RSBN1L: variants seen among roughly 807,000 people sequenced by gnomAD.
RSBN1L encodes round spermatid basic protein 1 like, also known as lysine-specific demethylase RSBN1L.
Under a neutral mutation model 67.7 loss-of-function variants are expected in RSBN1L, and 30 were observed. That is an observed-to-expected ratio of 0.44 (90% confidence interval 0.33 to 0.60). The LOEUF (loss-of-function observed/expected upper bound fraction) is 0.60. Ranked by LOEUF, RSBN1L falls within the 20% of genes least tolerant of loss-of-function variation. RSBN1L has a pLI of 0.02. For missense variants in RSBN1L, 992 were observed against 1,031.7 expected (o/e 0.96, Z 0.53); for synonymous variants, 433 against 387.0 (o/e 1.12, Z -1.39).
intron 1 of RSBN1L, among the ~76,000 whole-genome samples, chr7:77,713,380 A>G (rs1389590564): frequency 1.3e-5 from 2 of 150,352 alleles, no homozygotes; most frequent in Non-Finnish European, 3.0e-5. Flanking sequence ...CCTTTGAGAC[A>G]GAGTCTCACT....
rs972419837 is a variant in RSBN1L at position 77,750,061 on chromosome 7, T to G, written c.1341T>G (p.Ala447=). ...IETTTMSNFH[A]QVKRTYSHGT... The stretch of plus-strand genomic sequence containing the variant: ...CAACGACTATGTCCAATTTTCATGC[T>G]CAGGTAAGAGGTTTTTAGTTTTATA... The change falls in exon 3 of 8, where the codon GCT becomes GCG. Residue 447 remains alanine (A), a synonymous_variant. Transcript: ENST00000334955. The G allele has an allele frequency of 5.7e-6, 9 of 1,577,924 alleles. No homozygotes were observed. Among genetic ancestry groups the G allele is most frequent in the East Asian group, 4.5e-5 (2 of 44,556 alleles).
chr7:77,716,624 CTTTTTTTTTTTTTT>C (rs61611975), intron 1 of RSBN1L, among the ~76,000 whole-genome samples: 1 of 75,290 alleles, frequency 1.3e-5, no homozygotes, highest in African/African-American at 5.1e-5. Flanking sequence ...GTATCTTCAT[CTTTTTTTTTTTTTT>C]TTTTTTTTTT....
intron 1 of RSBN1L, among the ~76,000 whole-genome samples, chr7:77,715,986 G>A (rs1297144763): frequency 6.6e-6 from 1 of 152,004 alleles, no homozygotes; most frequent in African/African-American, 2.4e-5. Context: ...CATATTCTGG[G>A]TAGAACTCCT....
Position 77,709,184 on chromosome 7 carries a change from G to A in RSBN1L, c.586+12129G>A, listed in dbSNP as rs866510497. 9.7e-3 allele frequency among the ~76,000 whole-genome samples: 1,295 copies of A among 133,984 alleles called. 16 individuals carry two copies. The highest frequency in any genetic ancestry group is 0.029 in the African/African-American group (947 of 32,116). 87.9% of individuals were successfully genotyped at this position (133,984 alleles called of 152,430 possible). The stretch of plus-strand genomic sequence containing the variant: ...TGTGTGTGTGTGTGTGTGTGTGTGT[G>A]TGTGTGTGTGTGTATGTATGTGTAT... On this transcript the variant is annotated intron_variant, in intron 1 of 7. Coordinates refer to ENST00000334955, the MANE Select transcript of RSBN1L (RefSeq NM_198467.3).
chr7:77,752,902 A>G (rs1008847339), intron 3 of RSBN1L, among the ~76,000 whole-genome samples: 7 of 152,326 alleles, frequency 4.6e-5, no homozygotes, highest in Admixed American at 1.3e-4. Context: ...GTGGAATCAG[A>G]TAGTACGTAC....
chr7:77,722,097 T>G (rs1791127726), intron 1 of RSBN1L, among the ~76,000 whole-genome samples: 1 of 152,140 alleles, frequency 6.6e-6, no homozygotes, highest in Admixed American at 6.5e-5. Flanking sequence ...TTTTTTGTAT[T>G]TGGATGTTGG....
chr7:77,755,671 CAAAACA>C (rs139193818), intron 3 of RSBN1L, among the ~76,000 whole-genome samples: 83,071 of 150,798 alleles, frequency 0.55, 24,840 homozygotes, highest in African/African-American at 0.81. Flanking sequence ...GTCTCAAAAA[CAAAACA>C]AAAACAAAAA....
At chr7:77,701,187 A>G (rs528104742) in intron 1 of RSBN1L, among the ~76,000 whole-genome samples, 1 of 148,736 alleles carries the variant, frequency 6.7e-6, no homozygotes, top group South Asian at 2.1e-4. Flanking sequence ...CAACAACAAC[A>G]ACAAAAAAAA....
chr7:77,768,794 A>G lies in RSBN1L; in HGVS notation c.1616A>G (p.Lys539Arg), dbSNP rs1791808083. Reference sequence around the variant, plus strand: ...GCTGATATGCCAAAGTCACCTTTCAAAAGGAAAAGGTATGTTGTATACACA... The same window carrying G: ...GCTGATATGCCAAAGTCACCTTTCAGAAGGAAAAGGTATGTTGTATACACA... ...PVADMPKSPF[K>R]RKRTTNEIKN... Residue 539 changes from lysine (K) to arginine (R), a missense_variant, in exon 5 of 8, where the codon AAA (lysine) becomes AGA (arginine). Lys to Arg is a conservative substitution (Grantham distance 26, BLOSUM62 2). This residue lies in a region of RSBN1L where 67 missense variants were observed against 130.5 expected (regional missense o/e 0.51). Coordinates refer to ENST00000334955, the MANE Select transcript of RSBN1L (RefSeq NM_198467.3). The G allele has an allele frequency of 6.2e-7, 1 of 1,613,948 alleles. No individual in the cohort carries two copies. The highest frequency in any genetic ancestry group is 1.3e-5 in the African/African-American group (1 of 74,928).
At chr7:77,712,759 T>C (rs1790992249) in intron 1 of RSBN1L, among the ~76,000 whole-genome samples, 1 of 152,160 alleles carries the variant, frequency 6.6e-6, no homozygotes, top group Admixed American at 6.6e-5. Flanking sequence ...TATATTTAAC[T>C]GATACTGTAT....
At chr7:77,717,669 A>G (rs62460707) in intron 1 of RSBN1L, among the ~76,000 whole-genome samples, 13,026 of 152,258 alleles carry the variant, frequency 0.086, 787 homozygotes, top group Non-Finnish European at 0.12. Context: ...GTTAAATACC[A>G]TAAGTAGAAA....
chr7:77,778,285 C>G (rs866677790), intron 6 of RSBN1L, 53 bp from the exon 7 acceptor site: 15 of 1,273,112 alleles, frequency 1.2e-5, no homozygotes, highest in Middle Eastern at 3.8e-4. Flanking sequence ...AATAAGGACT[C>G]AAAAGAGTGA....
At chr7:77,707,726 C>CT (rs1434961132) in intron 1 of RSBN1L, among the ~76,000 whole-genome samples, 2 of 152,064 alleles carry the variant, frequency 1.3e-5, no homozygotes, top group Non-Finnish European at 2.9e-5. Context: ...GCACTTCTTT[C>CT]TTTTTTTAAA....
intron 2 of RSBN1L, among the ~76,000 whole-genome samples, chr7:77,742,359 C>T (rs1023467238): frequency 1.3e-5 from 2 of 152,132 alleles, no homozygotes; most frequent in African/African-American, 4.8e-5. Flanking sequence ...AATGTTGTCA[C>T]ATGTGATGTG....
chr7:77,773,106 G>A (rs1389952047), intron 5 of RSBN1L, 41 bp from the exon 6 acceptor site: 25 of 1,099,868 alleles, frequency 2.3e-5, no homozygotes, highest in Non-Finnish European at 3.2e-5. Context: ...TAGCAATTAA[G>A]TGTCACTATA....
At chr7:77,748,472 A>G (rs1791512262) in intron 2 of RSBN1L, among the ~76,000 whole-genome samples, 1 of 152,126 alleles carries the variant, frequency 6.6e-6, no homozygotes, top group African/African-American at 2.4e-5. Context: ...CACTAGGCAT[A>G]GATGATTCTT....
At chr7:77,759,282 A>G (rs1584299232) in intron 3 of RSBN1L, among the ~76,000 whole-genome samples, 1 of 152,342 alleles carries the variant, frequency 6.6e-6, no homozygotes, top group Admixed American at 6.5e-5. Flanking sequence ...GAACTGATCT[A>G]TACAAAATAT....
intron 4 of RSBN1L, among the ~76,000 whole-genome samples, chr7:77,766,739 T>G (rs1791770615): frequency 6.6e-6 from 1 of 152,070 alleles, no homozygotes; most frequent in African/African-American, 2.4e-5. Flanking sequence ...CTATAGGACA[T>G]CTCTTCTTTT....
chr7:77,739,855 T>C (rs889395321), intron 2 of RSBN1L, among the ~76,000 whole-genome samples: 7 of 128,522 alleles, frequency 5.4e-5, no homozygotes. Context: ...GTTCAAGCAG[T>C]TTTCCTGCCC....
Sources: gnomAD v4.1 joint callset for allele counts (sites outside exome capture counted in the v4.1 genomes callset) on GRCh38, gnomAD v4.1.1 for gene constraint, gnomAD v4.1.1 regional missense constraint, MANE v1.5 for transcripts, NCBI Gene and HGNC (gene_info 2026-07-23, HGNC 2026-07-21) for gene names.